RIMS2: variants seen among roughly 807,000 people sequenced by gnomAD.
The protein encoded by RIMS2 is regulating synaptic membrane exocytosis protein 2.
Under a neutral mutation model 174.4 loss-of-function variants are expected in RIMS2, and 59 were observed. The ratio of observed to expected loss-of-function variants is 0.34; its 90% confidence interval spans 0.27 to 0.42. RIMS2 has a LOEUF of 0.42. Among genes scored for constraint, RIMS2 ranks in the 10% least tolerant of loss-of-function variants. The pLI, the probability that RIMS2 is intolerant of heterozygous loss-of-function variation, is 1.00. For synonymous variants in RIMS2, 606 were observed against 572.5 expected, an observed-to-expected ratio of 1.06 and a Z score of -0.84; for missense variants, 1,620 against 1,666.3, an observed-to-expected ratio of 0.97 and a Z score of 0.48.
At chr8:103,865,789 AT>A (rs1243737261) in intron 3 of RIMS2, among the ~76,000 whole-genome samples, 4 of 151,976 alleles carry the variant, frequency 2.6e-5, no homozygotes, top group African/African-American at 4.8e-5. Context: ...CAGAAGCACT[AT>A]TTTTTTTCTA....
At chr8:103,828,113 G>GT (rs1339348512) in intron 3 of RIMS2, among the ~76,000 whole-genome samples, 4 of 150,224 alleles carry the variant, frequency 2.7e-5, no homozygotes, top group East Asian at 2.0e-4. Context: ...TTTTGATAAG[G>GT]TTTTTTTTGC....
intron 4 of RIMS2, among the ~76,000 whole-genome samples, chr8:103,906,056 A>T (rs1482016930): frequency 6.6e-6 from 1 of 152,102 alleles, no homozygotes; most frequent in Non-Finnish European, 1.5e-5. Flanking sequence ...TGTACTATTA[A>T]GCTGCAAAAA....
At chr8:103,747,593 A>T (rs960356665) in intron 2 of RIMS2, among the ~76,000 whole-genome samples, 8 of 152,084 alleles carry the variant, frequency 5.3e-5, no homozygotes, top group African/African-American at 1.9e-4. Context: ...GACTCAGGCT[A>T]AGGTAATTGT....
chr8:103,703,492 C>G (rs1201113778), intron 2 of RIMS2, among the ~76,000 whole-genome samples: 5 of 152,150 alleles, frequency 3.3e-5, no homozygotes, highest in African/African-American at 1.2e-4. Flanking sequence ...CCCATTCAGA[C>G]TCCCAAAGTG....
At chr8:103,618,240 C>T (rs575706522) in intron 1 of RIMS2, among the ~76,000 whole-genome samples, 3 of 152,080 alleles carry the variant, frequency 2.0e-5, no homozygotes, top group Non-Finnish European at 2.9e-5. Context: ...CCAAATACCA[C>T]ATATTCTCAC....
At chr8:103,795,760 C>T (rs1179571427) in intron 3 of RIMS2, among the ~76,000 whole-genome samples, 11 of 152,078 alleles carry the variant, frequency 7.2e-5, no homozygotes, top group Admixed American at 7.2e-4. Context: ...GAAAACAAGC[C>T]TTCACATGTA....
chr8:103,963,595 G>T (rs1213642759), intron 15 of RIMS2, among the ~76,000 whole-genome samples: 1 of 152,012 alleles, frequency 6.6e-6, no homozygotes, highest in African/African-American at 2.4e-5. Context: ...AAGGTATACA[G>T]ATTTCCCATA....
At chr8:103,967,851 C>CCTTTT (rs1299977306) in intron 15 of RIMS2, among the ~76,000 whole-genome samples, 1 of 109,556 alleles carries the variant, frequency 9.1e-6, no homozygotes, top group Non-Finnish European at 1.8e-5. Flanking sequence ...CCTACTCCTG[C>CCTTTT]TTTTTTTTTT....
intron 13 of RIMS2, among the ~76,000 whole-genome samples, chr8:103,938,181 A>AG (rs2154536373): frequency 6.6e-6 from 1 of 152,318 alleles, no homozygotes; most frequent in South Asian, 2.1e-4. Context: ...TTAGCATGCT[A>AG]AGTTACTCAC....
intron 1 of RIMS2, among the ~76,000 whole-genome samples, chr8:103,612,924 G>A (rs554662959): frequency 1.3e-5 from 2 of 152,176 alleles, no homozygotes; most frequent in African/African-American, 2.4e-5. Context: ...CTCTCTCTGT[G>A]CTGAGCCACC....
chr8:103,936,759 T>A, intron 13 of RIMS2, 37 bp downstream of exon 15: 4 of 1,410,184 alleles, frequency 2.8e-6, no homozygotes, highest in Non-Finnish European at 3.9e-6. Context: ...GCTATTCATG[T>A]TATCCTGAAT....
At chr8:103,713,541 T>C (rs564763030) in intron 2 of RIMS2, among the ~76,000 whole-genome samples, 1 of 152,196 alleles carries the variant, frequency 6.6e-6, no homozygotes, top group Non-Finnish European at 1.5e-5. Context: ...CCAAATTTTT[T>C]TGATTTTATC....
At chr8:104,180,042 C>A (rs1455227921) in intron 19 of RIMS2, among the ~76,000 whole-genome samples, 1 of 151,738 alleles carries the variant, frequency 6.6e-6, no homozygotes, top group East Asian at 1.9e-4. Context: ...AAAGATCTAT[C>A]TCATCTTTCA....
intron 2 of RIMS2, among the ~76,000 whole-genome samples, chr8:103,738,584 G>A (rs940131912): frequency 2.6e-5 from 4 of 151,900 alleles, no homozygotes; most frequent in African/African-American, 4.8e-5. Context: ...CTACCATCAG[G>A]GTGAACAGGC....
At chr8:103,633,539 G>A (rs187164895) in intron 1 of RIMS2, among the ~76,000 whole-genome samples, 1 of 152,072 alleles carries the variant, frequency 6.6e-6, no homozygotes, top group Non-Finnish European at 1.5e-5. Flanking sequence ...TCAAGATGAT[G>A]CTGGCCTCAC....
chr8:103,548,583 G>C (rs1846154194), intron 1 of RIMS2, among the ~76,000 whole-genome samples: 1 of 151,744 alleles, frequency 6.6e-6, no homozygotes, highest in Admixed American at 6.6e-5. Context: ...GCAAAAGCTG[G>C]AAACATTTAT....
At position 103,655,535 on chromosome 8, in the gene RIMS2, T is replaced by C. The variant is rs1232430058; in HGVS notation, c.177-41551T>C. 3.3e-5 allele frequency among the ~76,000 whole-genome samples: 5 copies of C among 152,298 alleles called. No individual in the cohort carries two copies. The Middle Eastern group carries it at 0.01, about 311-fold the overall frequency. ...TTACTTTACTTTGAATTTTATATTT[T>C]AGTTTTATTTATGTTTTGCTATGAT... On this transcript the variant is annotated intron_variant, in intron 1 of 23. Coordinates refer to ENST00000504942, the Ensembl canonical transcript of RIMS2.
intron 19 of RIMS2, among the ~76,000 whole-genome samples, chr8:104,203,692 T>A (rs2099066420): frequency 6.6e-6 from 1 of 151,878 alleles, no homozygotes; most frequent in African/African-American, 2.4e-5. Flanking sequence ...TTAGTATAGA[T>A]GAGTTTTCAC....
intron 3 of RIMS2, among the ~76,000 whole-genome samples, chr8:103,823,119 C>T (rs1319433316): frequency 6.6e-6 from 1 of 151,724 alleles, no homozygotes; most frequent in Non-Finnish European, 1.5e-5. Context: ...CTGTATTTTC[C>T]TCTAGATGAA....
Sources: gnomAD v4.1 joint callset for allele counts (sites outside exome capture counted in the v4.1 genomes callset) on GRCh38, gnomAD v4.1.1 for gene constraint, MANE v1.5 for transcripts, NCBI Gene and HGNC (gene_info 2026-07-23, HGNC 2026-07-21) for gene names.